The following RIC8B variants were observed in gnomAD, a reference collection of about 807,000 sequenced individuals.
RIC8B encodes the protein RIC8 guanine nucleotide exchange factor B, also known as chaperone Ric-8B.
Under a neutral mutation model 57.5 loss-of-function variants are expected in RIC8B, and 16 were observed. That is an observed-to-expected ratio of 0.28 (90% CI 0.19 to 0.42). The LOEUF is 0.42. Ranked by LOEUF, RIC8B falls within the 10% of genes least tolerant of loss-of-function variation. RIC8B has a pLI of 1.00. For missense variants in RIC8B, 481 were observed against 677.0 expected (o/e 0.71, Z 3.21); for synonymous variants, 216 against 250.8 (o/e 0.86, Z 1.31).
chr12:106,782,167 A>G (rs1410228344), intron 1 of RIC8B, among the ~76,000 whole-genome samples: 1 of 152,202 alleles, frequency 6.6e-6, no homozygotes, highest in Admixed American at 6.5e-5. Flanking sequence ...CACATGCATA[A>G]CATTCCGTCA....
Position 106,845,116 on chromosome 12 carries a change from C to G in RIC8B, c.1161+1169C>G, listed in dbSNP as rs148457682. ...TATAATCACTCCTTTCCATACATCTCTAACTAGCACCTTGTGCGCTCCCTC... is the reference window on the plus strand; with the variant it reads ...TATAATCACTCCTTTCCATACATCTGTAACTAGCACCTTGTGCGCTCCCTC... On this transcript the variant is annotated intron_variant, in intron 6 of 9. Transcript: ENST00000392837. 2.5e-3 allele frequency among the ~76,000 whole-genome samples: 381 copies of G among 152,292 alleles called. 1 individual carries two copies. The highest frequency in any genetic ancestry group is 8.4e-3 in the African/African-American group (348 of 41,554).
intron 8 of RIC8B, chr12:106,868,284 G>C (rs1256051675): frequency 8.8e-6 from 4 of 456,674 alleles, no homozygotes; most frequent in Admixed American, 7.0e-5. Flanking sequence ...CTACAGGCCT[G>C]ATTTTTCAAA....
chr12:106,782,319 G>A (rs975637399), intron 1 of RIC8B, among the ~76,000 whole-genome samples: 18 of 152,098 alleles, frequency 1.2e-4, no homozygotes, highest in Non-Finnish European at 2.1e-4. Flanking sequence ...CAAAGAATAT[G>A]AATATTTTTA....
intron 9 of RIC8B, among the ~76,000 whole-genome samples, chr12:106,882,276 A>G (rs1318729202): frequency 2.6e-5 from 4 of 152,172 alleles, no homozygotes; most frequent in African/African-American, 7.2e-5. Context: ...ATCACAACTT[A>G]GTGTGAGGTA....
chr12:106,837,594 G>A (rs1279224139), intron 4 of RIC8B, among the ~76,000 whole-genome samples: 1 of 150,106 alleles, frequency 6.7e-6, no homozygotes, highest in Non-Finnish European at 1.5e-5. Flanking sequence ...TTACTGGATT[G>A]AGTTAGATTA....
chr12:106,824,687 G>A (rs903559724), intron 3 of RIC8B, among the ~76,000 whole-genome samples: 2 of 152,038 alleles, frequency 1.3e-5, no homozygotes, highest in Non-Finnish European at 2.9e-5. Context: ...CCTGTGGTCA[G>A]GAGTTCAAGA....
intron 3 of RIC8B, among the ~76,000 whole-genome samples, chr12:106,823,979 C>G (rs529748371): frequency 6.6e-6 from 1 of 152,218 alleles, no homozygotes; most frequent in South Asian, 2.1e-4. Context: ...AACCACGGCA[C>G]CCGACTCGTA....
At chr12:106,876,659 A>G (rs914348409) in intron 9 of RIC8B, among the ~76,000 whole-genome samples, 9 of 152,102 alleles carry the variant, frequency 5.9e-5, no homozygotes, top group Non-Finnish European at 8.8e-5. Context: ...TGTATTGCCT[A>G]TCTGTAGTCA....
intron 8 of RIC8B, among the ~76,000 whole-genome samples, chr12:106,864,595 G>A (rs1364070483): frequency 6.6e-6 from 1 of 152,044 alleles, no homozygotes; most frequent in Non-Finnish European, 1.5e-5. Flanking sequence ...TAGAGCTTGC[G>A]GTTTTTGGGA....
rs1949880076 is a variant in RIC8B at position 106,860,384 on chromosome 12, A to G, written c.1423A>G (p.Thr475Ala). Residue 475 changes from threonine to alanine, a missense_variant, in exon 8 of 10, where the codon ACT becomes GCT. Thr to Ala is a moderately conservative substitution (Grantham distance 58). This residue lies in a region of RIC8B where 43 missense variants were observed against 99.8 expected (regional missense o/e 0.43). Coordinates refer to ENST00000392837, the MANE Select transcript of RIC8B (RefSeq NM_001330145.2). ...GTACTCAGAGGATGAGGACACAGAC[A>G]CTGAAGAATACAAAAATGCAAAACC... is the stretch of plus-strand genomic sequence containing the variant. The part of the protein sequence containing the change: ...NWYSEDEDTD[T>A]EEYKNAKPNI... The G allele has an allele frequency of 1.9e-6, 3 of 1,582,310 alleles. No individual in the cohort carries two copies. Among genetic ancestry groups the G allele is most frequent in the Non-Finnish European group, 2.6e-6 (3 of 1,166,128 alleles).
At position 106,815,237 on chromosome 12, in the gene RIC8B, A is replaced by T. The variant is rs750260137; in HGVS notation, c.674A>T (p.Asp225Val). 6.2e-7 allele frequency: 1 copy of T among 1,614,192 alleles called. No individual in the cohort carries two copies. Among genetic ancestry groups the T allele is most frequent in the Non-Finnish European group, 8.5e-7 (1 of 1,180,004 alleles). ...CCTCCTCTCTCACCTCAGGAGACAGACTGTGCCATTGAGGCCCTCAAAGCT... is the reference window on the plus strand; with the variant it reads ...CCTCCTCTCTCACCTCAGGAGACAGTCTGTGCCATTGAGGCCCTCAAAGCT... The part of the protein sequence containing the change: ...NGPPLSPQET[D>V]CAIEALKALF... Residue 225 changes from aspartate (D) to valine (V), a missense_variant, in exon 3 of 10, where the codon GAC becomes GTC. By Grantham distance (152) the Asp-to-Val change is radical (BLOSUM62 -3). Around this residue, in one of 3 missense-constraint regions of RIC8B, gnomAD observed 421 missense variants for 560.9 expected, o/e 0.75. Coordinates refer to ENST00000392837, the MANE Select transcript of RIC8B (RefSeq NM_001330145.2).
intron 8 of RIC8B, among the ~76,000 whole-genome samples, chr12:106,866,571 C>G (rs563040667): frequency 3.9e-5 from 6 of 152,242 alleles, no homozygotes; most frequent in African/African-American, 1.4e-4. Context: ...CCTAAAAACC[C>G]TGATCCCTTT....
chr12:106,844,465 G>A (rs76924506), intron 6 of RIC8B, among the ~76,000 whole-genome samples: 2,002 of 152,292 alleles, frequency 0.013, 56 homozygotes, highest in African/African-American at 0.046. Context: ...AAAGCAAGAA[G>A]GCCTGTGTGA....
chr12:106,854,066 C>T (rs970402628), intron 7 of RIC8B, among the ~76,000 whole-genome samples: 6 of 151,972 alleles, frequency 3.9e-5, no homozygotes, highest in Non-Finnish European at 7.4e-5. Context: ...TGTAGGGAGA[C>T]GAAGGGACTA....
At chr12:106,825,370 A>C (rs867137828) in intron 3 of RIC8B, among the ~76,000 whole-genome samples, 2 of 152,364 alleles carry the variant, frequency 1.3e-5, no homozygotes, top group Middle Eastern at 3.4e-3. Flanking sequence ...TCTCTGAAAT[A>C]ACCTGGTAAC....
intron 4 of RIC8B, among the ~76,000 whole-genome samples, chr12:106,840,790 C>T (rs1011146252): frequency 2.6e-5 from 4 of 152,146 alleles, no homozygotes; most frequent in Admixed American, 6.5e-5. Flanking sequence ...GGGAAACATT[C>T]CTTTGTAATG....
At position 106,842,497 on chromosome 12, in the gene RIC8B, T is replaced by C. The variant is rs1948995720; in HGVS notation, c.837-92T>C. ...GGAAAAGAAATATTTTAATTGACTC[T>C]TAAAAGTCACTTTTGAACTTCTTAT... On this transcript the variant is annotated intron_variant, in intron 4 of 9. Transcript: ENST00000392837. 5 of 1,033,738 alleles carry C rather than the reference T, an allele frequency of 4.8e-6. No homozygotes were observed. The Admixed American group carries it at 1.3e-4, about 26-fold the overall frequency. The allele number at this position is 1,033,738 out of a possible 1,614,324, so 64.0% of individuals were successfully genotyped here. A position where few individuals can be genotyped will look rare whatever the true frequency, so the allele number is the denominator to read the frequency against.
At chr12:106,880,706 C>T (rs1366924566) in intron 9 of RIC8B, among the ~76,000 whole-genome samples, 1 of 152,006 alleles carries the variant, frequency 6.6e-6, no homozygotes, top group Non-Finnish European at 1.5e-5. Context: ...AGAATGATTC[C>T]TGACAAATGG....
intron 2 of RIC8B, among the ~76,000 whole-genome samples, chr12:106,793,815 T>C (rs1030770646): frequency 2.0e-5 from 3 of 151,848 alleles, no homozygotes; most frequent in African/African-American, 7.3e-5. Flanking sequence ...GCTAAGATAA[T>C]TTAGCCAGTC....
Sources: allele counts gnomAD v4.1 joint callset (sites outside exome capture counted in the v4.1 genomes callset), GRCh38; gene constraint gnomAD v4.1.1; regional missense constraint gnomAD v4.1.1; transcripts MANE v1.5; gene names NCBI Gene and HGNC (gene_info 2026-07-23, HGNC 2026-07-21).